Variants in EPB41L2 observed in about 807,000 individuals in gnomAD.
EPB41L2 encodes the protein band 4.1-like protein 2.
In EPB41L2, 43 loss-of-function variants were observed where a neutral mutation model predicts 113.0. The ratio of observed to expected loss-of-function variants is 0.38; its 90% confidence interval spans 0.30 to 0.49. The LOEUF is 0.49. EPB41L2 is among the 20% of genes least tolerant of loss of function. The probability of loss-of-function intolerance (pLI) is 0.95; values close to 1 mark genes in which losing one functional copy is unlikely to be tolerated. For missense variants in EPB41L2, 1,147 were observed against 1,223.4 expected (o/e 0.94, Z 0.93); for synonymous variants, 442 against 436.7 (o/e 1.01, Z -0.15).
At chr6:131,052,033 T>C (rs1342148361) in intron 1 of EPB41L2, among the ~76,000 whole-genome samples, 1 of 150,654 alleles carries the variant, frequency 6.6e-6, no homozygotes. Context: ...ACCTCCTGGG[T>C]TCAAGCAATT....
chr6:130,929,902 C>CAT, intron 3 of EPB41L2, among the ~76,000 whole-genome samples: 1 of 148,416 alleles, frequency 6.7e-6, no homozygotes, highest in Non-Finnish European at 1.5e-5. Context: ...CACACATACA[C>CAT]GCACAGTCAT....
At chr6:130,929,857 T>TCTCACA (rs1491200686) in intron 3 of EPB41L2, among the ~76,000 whole-genome samples, 6 of 123,372 alleles carry the variant, frequency 4.9e-5, no homozygotes, top group African/African-American at 8.8e-5. Flanking sequence ...AGACAGACAG[T>TCTCACA]CACACACACA....
chr6:130,905,233 G>A (rs986329757), intron 5 of EPB41L2, among the ~76,000 whole-genome samples: 8 of 152,076 alleles, frequency 5.3e-5, no homozygotes, highest in South Asian at 2.1e-4. Context: ...CTATTTATAC[G>A]TAAAATTTAA....
rs765882233 is a variant in EPB41L2, at chr6:130,894,452, T to C, written c.1390-11A>G. ...CTCAAACTGTTCCAGCTGGAATAAA[T>C]CCGTAAAACAAATCAGCATATTTCC... On this transcript the variant is annotated splice_polypyrimidine_tract_variant and intron_variant, in intron 9 of 19. Transcript: ENST00000337057. 4 of 1,611,354 alleles carry C rather than the reference T, an allele frequency of 2.5e-6. No individual in the cohort carries two copies. The East Asian group carries it at 8.9e-5, about 36-fold the overall frequency.
At chr6:131,049,546 T>C (rs4895908) in intron 1 of EPB41L2, among the ~76,000 whole-genome samples, 42,800 of 152,184 alleles carry the variant, frequency 0.28, 7,118 homozygotes, top group Non-Finnish European at 0.37. Context: ...TACCAGAGTC[T>C]AGAAGCAACT....
At chr6:131,062,943 A>T (rs915480364) in intron 1 of EPB41L2, among the ~76,000 whole-genome samples, 1 of 152,014 alleles carries the variant, frequency 6.6e-6, no homozygotes, top group Non-Finnish European at 1.5e-5. Flanking sequence ...AGAGACCGGG[A>T]AGGAAAGGAG....
At chr6:130,914,699 C>T (rs1800407289) in intron 4 of EPB41L2, among the ~76,000 whole-genome samples, 1 of 152,034 alleles carries the variant, frequency 6.6e-6, no homozygotes, top group Non-Finnish European at 1.5e-5. Flanking sequence ...GTATAAGCAA[C>T]CATGCAAAAC....
intron 19 of EPB41L2, among the ~76,000 whole-genome samples, chr6:130,847,522 C>T (rs192210189): frequency 1.4e-4 from 21 of 151,898 alleles, no homozygotes; most frequent in Admixed American, 2.0e-4. Flanking sequence ...CTTGAGGAAA[C>T]GGCAGGGAAA....
At chr6:130,887,358 A>G (rs2839942) in intron 11 of EPB41L2, among the ~76,000 whole-genome samples, 110,865 of 152,098 alleles carry the variant, frequency 0.73, 40,638 homozygotes, top group South Asian at 0.83. Context: ...ATTCCTAACC[A>G]GCCTGCCTGC....
At position 130,971,610 on chromosome 6, in the gene EPB41L2, G is replaced by T. The variant is rs551613306; in HGVS notation, c.-14-15111C>A. Among the ~76,000 whole-genome samples, 19 of 152,332 alleles carry T rather than the reference G, an allele frequency of 1.2e-4. 1 individual carries two copies. Among genetic ancestry groups the T allele is most frequent in the Non-Finnish European group, 7.3e-5 (5 of 68,032 alleles). On this transcript the variant is annotated intron_variant, in intron 1 of 19. Transcript: ENST00000337057. The stretch of plus-strand genomic sequence containing the variant: ...AAATGGATAATTCACATCCTGCACA[G>T]GATGGAGCAGAGAGTGTGATTATTT...
chr6:130,936,175 T>C (rs1159382056), intron 3 of EPB41L2, among the ~76,000 whole-genome samples: 3 of 152,238 alleles, frequency 2.0e-5, no homozygotes, highest in Admixed American at 6.5e-5. Flanking sequence ...GTATTCTAGC[T>C]TATGAGGAAG....
chr6:130,943,305 C>T (rs1031519495), intron 3 of EPB41L2, among the ~76,000 whole-genome samples: 2 of 152,170 alleles, frequency 1.3e-5, no homozygotes, highest in Non-Finnish European at 2.9e-5. Context: ...GGCGTGAGTA[C>T]ATATTTTAAA....
intron 1 of EPB41L2, among the ~76,000 whole-genome samples, chr6:131,003,682 C>T (rs562766390): frequency 1.3e-5 from 2 of 152,260 alleles, no homozygotes; most frequent in South Asian, 4.2e-4. Context: ...TTTCAAAAAC[C>T]ATCATATTGT....
At chr6:130,970,043 G>C (rs1776377368) in intron 1 of EPB41L2, among the ~76,000 whole-genome samples, 1 of 152,012 alleles carries the variant, frequency 6.6e-6, no homozygotes, top group African/African-American at 2.4e-5. Flanking sequence ...CGGCCCAATG[G>C]AAAAATGTAT....
At chr6:130,844,635 G>C (rs998937928) in intron 19 of EPB41L2, among the ~76,000 whole-genome samples, 22 of 152,062 alleles carry the variant, frequency 1.4e-4, no homozygotes, top group African/African-American at 5.3e-4. Flanking sequence ...TTTTAAATAT[G>C]ATACTTTATG....
At chr6:130,841,017 G>C (rs1190954376) in intron 19 of EPB41L2, among the ~76,000 whole-genome samples, 2 of 152,134 alleles carry the variant, frequency 1.3e-5, no homozygotes, top group Non-Finnish European at 2.9e-5. Flanking sequence ...AATGAGGAAA[G>C]AGGCATGGAG....
intron 1 of EPB41L2, among the ~76,000 whole-genome samples, chr6:131,028,095 A>T (rs1273657570): frequency 6.6e-6 from 1 of 152,208 alleles, no homozygotes; most frequent in Non-Finnish European, 1.5e-5. Flanking sequence ...CATTACCACT[A>T]TCAGTAAAAA....
chr6:130,942,833 T>C, intron 3 of EPB41L2, among the ~76,000 whole-genome samples: 1 of 152,196 alleles, frequency 6.6e-6, no homozygotes, highest in East Asian at 1.9e-4. Context: ...CTCCCACTTA[T>C]GAGTGAGAAC....
At chr6:130,998,882 G>C (rs556553261) in intron 1 of EPB41L2, among the ~76,000 whole-genome samples, 1 of 152,198 alleles carries the variant, frequency 6.6e-6, no homozygotes, top group East Asian at 1.9e-4. Flanking sequence ...ACTCCACTGA[G>C]AGAGGAAAGC....
Sources: allele counts gnomAD v4.1 joint callset (sites outside exome capture counted in the v4.1 genomes callset), GRCh38; gene constraint gnomAD v4.1.1; transcripts MANE v1.5; gene names NCBI Gene and HGNC (gene_info 2026-07-23, HGNC 2026-07-21).